Variants in DPP10 observed in about 807,000 individuals in gnomAD.
The protein encoded by DPP10 is inactive dipeptidyl peptidase 10.
A neutral mutation model predicts 120.9 loss-of-function variants in DPP10; 33 were observed. That is an observed-to-expected ratio of 0.27 (90% CI 0.21 to 0.37). The LOEUF (loss-of-function observed/expected upper bound fraction) is 0.37, where lower values mean the gene tolerates loss of function less well. DPP10 is among the 10% of genes least tolerant of loss of function. The probability of loss-of-function intolerance (pLI) is 1.00; values close to 1 mark genes in which losing one functional copy is unlikely to be tolerated. For missense variants in DPP10, 816 were observed against 942.8 expected (o/e 0.87, Z 1.76); for synonymous variants, 337 against 326.1 (o/e 1.03, Z -0.36).
At chr2:115,627,252 T>C (rs893990491) in intron 5 of DPP10, among the ~76,000 whole-genome samples, 7 of 152,294 alleles carry the variant, frequency 4.6e-5, no homozygotes, top group East Asian at 1.9e-4. Flanking sequence ...TACTCTAGTG[T>C]TATATGGATG....
chr2:115,830,622 C>T (rs1452170129), intron 21 of DPP10, among the ~76,000 whole-genome samples: 1 of 151,946 alleles, frequency 6.6e-6, no homozygotes, highest in East Asian at 1.9e-4. Context: ...GTAAACTAAA[C>T]ATAATTGGTG....
intron 7 of DPP10, among the ~76,000 whole-genome samples, chr2:115,711,940 G>T: frequency 1.2e-5 from 1 of 81,016 alleles, no homozygotes; most frequent in Admixed American, 1.6e-4. Context: ...TTTTTTTTTG[G>T]AATCATTGTC....
intron 1 of DPP10, among the ~76,000 whole-genome samples, chr2:115,264,891 A>C (rs1379137745): frequency 1.3e-5 from 2 of 152,184 alleles, no homozygotes; most frequent in Non-Finnish European, 2.9e-5. Context: ...ATGAAAGGAA[A>C]TAGTCATAAG....
chr2:115,343,707 T>G, intron 2 of DPP10, 110 bp from the exon 3 acceptor site: 1 of 590,040 alleles, frequency 1.7e-6, no homozygotes, highest in Non-Finnish European at 2.9e-6. Context: ...TCACTTTATA[T>G]TGTTATGTAG....
rs1202972154 is a variant in DPP10, at chr2:114,664,717, A to T, written c.60+221879A>T. Reference sequence around the variant, plus strand: ...CAGGCACAATCGGGGATGGAGAGGAACACAGATGGCATAGAGCATCCAAAA... The same window carrying T: ...CAGGCACAATCGGGGATGGAGAGGATCACAGATGGCATAGAGCATCCAAAA... On this transcript the variant is annotated intron_variant, in intron 1 of 25. Coordinates refer to ENST00000410059, the MANE Select transcript of DPP10 (RefSeq NM_020868.6). Among the ~76,000 whole-genome samples the T allele has an allele frequency of 5.4e-4, 82 of 152,074 alleles. 2 individuals are homozygous for T. The highest frequency in any genetic ancestry group is 2.0e-3 in the African/African-American group (81 of 41,534).
intron 3 of DPP10, among the ~76,000 whole-genome samples, chr2:115,462,331 A>T (rs948723585): frequency 6.6e-6 from 1 of 152,118 alleles, no homozygotes; most frequent in East Asian, 1.9e-4. Context: ...TTCAGGCTCC[A>T]TTTATCTTTT....
intron 3 of DPP10, among the ~76,000 whole-genome samples, chr2:115,469,653 C>T (rs1201786835): frequency 1.3e-5 from 2 of 152,148 alleles, no homozygotes; most frequent in East Asian, 3.9e-4. Context: ...AATCCGAGCA[C>T]TTTGGGAGGC....
intron 1 of DPP10, among the ~76,000 whole-genome samples, chr2:114,690,094 C>A (rs1317499225): frequency 6.6e-6 from 1 of 151,906 alleles, no homozygotes; most frequent in Non-Finnish European, 1.5e-5. Context: ...TAATTAGATC[C>A]CATTTGTCAA....
At chr2:115,019,638 G>A (rs1702924560) in intron 1 of DPP10, among the ~76,000 whole-genome samples, 1 of 152,152 alleles carries the variant, frequency 6.6e-6, no homozygotes, top group African/African-American at 2.4e-5. Context: ...TAGAGATCTA[G>A]ACATCCAAAT....
intron 1 of DPP10, among the ~76,000 whole-genome samples, chr2:115,067,097 TTCTC>T (rs1706903552): frequency 5.9e-5 from 9 of 152,232 alleles, no homozygotes; most frequent in Admixed American, 5.9e-4. Flanking sequence ...ATCATCATTT[TTCTC>T]TCTGTTTCTA....
chr2:115,789,066 C>T (rs892424274), intron 17 of DPP10, among the ~76,000 whole-genome samples: 2 of 151,582 alleles, frequency 1.3e-5, no homozygotes, highest in African/African-American at 4.9e-5. Flanking sequence ...TGCAGTGAGC[C>T]GAGATCACAC....
At chr2:115,739,068 G>A (rs867647794) in intron 8 of DPP10, among the ~76,000 whole-genome samples, 4 of 152,020 alleles carry the variant, frequency 2.6e-5, no homozygotes, top group South Asian at 2.1e-4. Flanking sequence ...CAGAAGTAGT[G>A]ACATCATTTA....
intron 1 of DPP10, among the ~76,000 whole-genome samples, chr2:115,220,735 C>A (rs1005865587): frequency 6.6e-6 from 1 of 152,128 alleles, no homozygotes; most frequent in African/African-American, 2.4e-5. Flanking sequence ...GAAAACAAAA[C>A]AAATCACTAC....
chr2:115,736,295 G>A (rs1385376509), intron 8 of DPP10, among the ~76,000 whole-genome samples: 1 of 152,128 alleles, frequency 6.6e-6, no homozygotes, highest in African/African-American at 2.4e-5. Context: ...CACACTGCAT[G>A]TTAAAGGATG....
chr2:114,507,098 A>T (rs1351985333), intron 1 of DPP10, among the ~76,000 whole-genome samples: 2 of 136,312 alleles, frequency 1.5e-5, no homozygotes, highest in African/African-American at 5.7e-5. Flanking sequence ...CCCAGGCTGG[A>T]GTACAGTGGT....
At chr2:115,480,802 C>T (rs1001532704) in intron 3 of DPP10, among the ~76,000 whole-genome samples, 15 of 151,862 alleles carry the variant, frequency 9.9e-5, no homozygotes, top group African/African-American at 2.2e-4. Context: ...AAATTGTATG[C>T]GAAAAAAATG....
At chr2:114,928,142 T>G (rs934913154) in intron 1 of DPP10, among the ~76,000 whole-genome samples, 9 of 152,174 alleles carry the variant, frequency 5.9e-5, no homozygotes, top group African/African-American at 2.2e-4. Flanking sequence ...AATGTCCTTC[T>G]CACTTTGCAA....
chr2:115,483,144 G>A (rs2075541765), intron 3 of DPP10, among the ~76,000 whole-genome samples: 1 of 151,960 alleles, frequency 6.6e-6, no homozygotes, highest in Non-Finnish European at 1.5e-5. Flanking sequence ...ACTAAATCAT[G>A]GTAGTTACGT....
intron 3 of DPP10, among the ~76,000 whole-genome samples, chr2:115,383,928 G>A (rs571392989): frequency 1.3e-5 from 2 of 152,188 alleles, no homozygotes; most frequent in East Asian, 3.9e-4. Context: ...TTAATCCAAA[G>A]AAACCAATAG....
Sources: allele counts gnomAD v4.1 joint callset (sites outside exome capture counted in the v4.1 genomes callset), GRCh38; gene constraint gnomAD v4.1.1; transcripts MANE v1.5; gene names NCBI Gene and HGNC (gene_info 2026-07-23, HGNC 2026-07-21).